The following HMGB1 variants were observed in gnomAD, a reference collection of about 807,000 sequenced individuals.
The protein encoded by HMGB1 is high mobility group protein B1.
For synonymous variants in HMGB1, 81 were observed against 84.0 expected, an observed-to-expected ratio of 0.96 and a Z score of 0.19; for missense variants, 79 against 253.5, an observed-to-expected ratio of 0.31 and a Z score of 4.67.
At chr13:30,614,122 TA>T (rs1448376164) in intron 1 of HMGB1, among the ~76,000 whole-genome samples, 2 of 152,188 alleles carry the variant, frequency 1.3e-5, no homozygotes, top group African/African-American at 2.4e-5. Flanking sequence ...TATTTGTTCT[TA>T]CATGTGTAAA....
intron 1 of HMGB1, among the ~76,000 whole-genome samples, chr13:30,614,790 G>C (rs889826275): frequency 6.6e-6 from 1 of 151,916 alleles, no homozygotes; most frequent in Non-Finnish European, 1.5e-5. Context: ...TCTGACCCCC[G>C]GGGTTCAAGC....
chr13:30,605,798 T>C (rs774107003), intron 1 of HMGB1, among the ~76,000 whole-genome samples: 1 of 152,196 alleles, frequency 6.6e-6, no homozygotes, highest in Non-Finnish European at 1.5e-5. Flanking sequence ...GCTGAAAGAA[T>C]TGTTTGACAA....
At chr13:30,513,785 A>G (rs996567324) in intron 1 of HMGB1, among the ~76,000 whole-genome samples, 17 of 152,134 alleles carry the variant, frequency 1.1e-4, no homozygotes. Flanking sequence ...TCATGATCCA[A>G]TCACCTCCCA....
chr13:30,593,913 G>C (rs775287037), intron 1 of HMGB1, among the ~76,000 whole-genome samples: 22 of 152,208 alleles, frequency 1.4e-4, no homozygotes, highest in Middle Eastern at 6.8e-3. Flanking sequence ...ATGCAAGAAA[G>C]GAAAAAATGG....
At chr13:30,474,518 C>A (rs1887020776) in intron 1 of HMGB1, among the ~76,000 whole-genome samples, 1 of 152,162 alleles carries the variant, frequency 6.6e-6, no homozygotes, top group South Asian at 2.1e-4. Flanking sequence ...GTATGCCCAG[C>A]CATGAAGGGT....
rs1483836393 is a variant in HMGB1 at position 30,461,327 on chromosome 13, CAAGA to C, written c.*26_*29del. 1 of 1,521,790 alleles carries C rather than the reference CAAGA, an allele frequency of 6.6e-7. No individual in the cohort carries two copies. The highest frequency in any genetic ancestry group is 1.5e-5 in the African/African-American group (1 of 65,754). The allele number at this position is 1,521,790 out of a possible 1,614,324, so 94.3% of individuals were successfully genotyped here. On this transcript the variant is annotated 3_prime_UTR_variant, in exon 5 of 5. Coordinates refer to ENST00000341423, the MANE Select transcript of HMGB1 (RefSeq NM_002128.7). ...ACAGGGGGGTTAAATGCTTTATAGA[CAAGA>C]AAAAAAAAACTGCGCTAGAACCAAC...
At chr13:30,546,546 C>T (rs1461777634) in intron 1 of HMGB1, among the ~76,000 whole-genome samples, 1 of 152,186 alleles carries the variant, frequency 6.6e-6, no homozygotes, top group Non-Finnish European at 1.5e-5. Flanking sequence ...TTCAGTGGAA[C>T]AATTAAAGCT....
At chr13:30,490,904 C>T (rs1887475897) in intron 1 of HMGB1, among the ~76,000 whole-genome samples, 1 of 152,136 alleles carries the variant, frequency 6.6e-6, no homozygotes, top group African/African-American at 2.4e-5. Flanking sequence ...AAAAGTAGCT[C>T]TAATTCCCTC....
intron 1 of HMGB1, among the ~76,000 whole-genome samples, chr13:30,517,919 T>C (rs1888136581): frequency 6.6e-6 from 1 of 152,218 alleles, no homozygotes; most frequent in Admixed American, 6.5e-5. Context: ...AAACTATAAC[T>C]GTAGATTCTC....
chr13:30,510,794 T>C (rs1215344250), intron 1 of HMGB1, among the ~76,000 whole-genome samples: 1 of 152,336 alleles, frequency 6.6e-6, no homozygotes, highest in Admixed American at 6.5e-5. Flanking sequence ...ATCTTGGGCA[T>C]ATAGTAAGTG....
At chr13:30,479,649 C>T (rs1172627682) in intron 1 of HMGB1, among the ~76,000 whole-genome samples, 1 of 152,138 alleles carries the variant, frequency 6.6e-6, no homozygotes, top group Non-Finnish European at 1.5e-5. Flanking sequence ...GGTCCTGGTG[C>T]TTACTAGCTG....
At chr13:30,602,169 G>A (rs1950409862) in intron 1 of HMGB1, among the ~76,000 whole-genome samples, 1 of 151,882 alleles carries the variant, frequency 6.6e-6, no homozygotes, top group Admixed American at 6.6e-5. Context: ...ATGTCACCGG[G>A]GACACCAGCA....
intron 1 of HMGB1, among the ~76,000 whole-genome samples, chr13:30,563,331 G>T (rs2137526796): frequency 6.6e-6 from 1 of 152,302 alleles, no homozygotes; most frequent in South Asian, 2.1e-4. Flanking sequence ...TGCTGTGGCT[G>T]GGCGCAGTGG....
chr13:30,577,180 A>G (rs1443360977), intron 1 of HMGB1, among the ~76,000 whole-genome samples: 1 of 151,988 alleles, frequency 6.6e-6, no homozygotes, highest in African/African-American at 2.4e-5. Flanking sequence ...CCATCTCTAC[A>G]AGAAAATAAA....
At chr13:30,525,855 G>GGA (rs1566015116) in intron 1 of HMGB1, among the ~76,000 whole-genome samples, 3 of 20,246 alleles carry the variant, frequency 1.5e-4, no homozygotes, top group Admixed American at 7.1e-4. Context: ...AGATGAGATT[G>GGA]TGGGGGGACA....
At chr13:30,592,740 T>C (rs1235523989) in intron 1 of HMGB1, among the ~76,000 whole-genome samples, 2 of 152,100 alleles carry the variant, frequency 1.3e-5, no homozygotes, top group Non-Finnish European at 2.9e-5. Context: ...GACCATAGCA[T>C]CAGAAGATGG....
At chr13:30,541,685 G>C (rs1868896155) in intron 1 of HMGB1, 1 of 157,246 alleles carries the variant, frequency 6.4e-6, no homozygotes, top group Non-Finnish European at 1.4e-5. Context: ...TACATCTTGT[G>C]CTTCAGCTAC....
At chr13:30,567,953 AAG>A (rs1870261036) in intron 1 of HMGB1, among the ~76,000 whole-genome samples, 2 of 152,228 alleles carry the variant, frequency 1.3e-5, no homozygotes, top group East Asian at 3.8e-4. Flanking sequence ...GCTAAAGATG[AAG>A]ACTCGTCCAT....
chr13:30,593,232 C>T (rs765776635), intron 1 of HMGB1, among the ~76,000 whole-genome samples: 13 of 152,186 alleles, frequency 8.5e-5, no homozygotes, highest in South Asian at 2.1e-4. Flanking sequence ...AGACCACCCC[C>T]CCGTAGAAGC....
Sources: gnomAD v4.1 joint callset for allele counts (sites outside exome capture counted in the v4.1 genomes callset) on GRCh38, gnomAD v4.1.1 for gene constraint, MANE v1.5 for transcripts, NCBI Gene and HGNC (gene_info 2026-07-23, HGNC 2026-07-21) for gene names.